The following PTER variants were observed in gnomAD, a reference collection of about 807,000 sequenced individuals.
PTER encodes N-acetyltaurine hydrolase.
In PTER, 38 loss-of-function variants were observed where a neutral mutation model predicts 29.6. That is an observed-to-expected ratio of 1.28 (90% CI 0.99 to 1.68). PTER has a LOEUF of 1.68. PTER is among the 40% of genes most tolerant of loss of function. The pLI is 0.00. For missense variants in PTER, 482 were observed against 427.8 expected (o/e 1.13, Z -1.12); for synonymous variants, 172 against 154.5 (o/e 1.11, Z -0.84).
chr10:16,438,995 A>G (rs1288258156), intron 1 of PTER, among the ~76,000 whole-genome samples: 1 of 151,824 alleles, frequency 6.6e-6, no homozygotes. Flanking sequence ...TATGAGGATA[A>G]GATCCTGATT....
At chr10:16,456,894 T>C (rs951229722) in intron 1 of PTER, among the ~76,000 whole-genome samples, 7 of 150,602 alleles carry the variant, frequency 4.6e-5, no homozygotes, top group African/African-American at 1.7e-4. Context: ...GTTCTCGTGG[T>C]AGTGAATAAG....
chr10:16,448,268 T>C (rs895704670), intron 1 of PTER, among the ~76,000 whole-genome samples: 3 of 152,194 alleles, frequency 2.0e-5, no homozygotes, highest in Non-Finnish European at 4.4e-5. Context: ...CACCATTGGA[T>C]CTGCTGGGTC....
rs145248136 is a variant in PTER, at chr10:16,486,817, CAGAT to C, written c.698+203_698+206del. On this transcript the variant is annotated intron_variant, in intron 3 of 4. Coordinates refer to ENST00000535784, the MANE Select transcript of PTER (RefSeq NM_001261836.2). Reference sequence around the variant, plus strand: ...CCATTTTTGTGTCCCTCCTCTGTGTCAGATAGTGTCCTAGGTATTTCACATAAGA... The same window carrying C: ...CCATTTTTGTGTCCCTCCTCTGTGTCAGTGTCCTAGGTATTTCACATAAGA... The C allele has an allele frequency of 2.4e-4, 141 of 595,186 alleles. No homozygotes were observed. In the African/African-American group the frequency reaches 2.5e-3, roughly 10 times the overall value. 36.9% of individuals were successfully genotyped at this position (595,186 alleles called of 1,614,324 possible).
chr10:16,459,668 T>A (rs536378161), intron 1 of PTER, among the ~76,000 whole-genome samples: 1 of 152,300 alleles, frequency 6.6e-6, no homozygotes, highest in African/African-American at 2.4e-5. Context: ...TAAATATAGT[T>A]GAGTTTTTGT....
chr10:16,490,763 A>G (rs956217883), intron 3 of PTER, among the ~76,000 whole-genome samples: 23 of 150,950 alleles, frequency 1.5e-4, no homozygotes, highest in African/African-American at 4.6e-4. Context: ...TTCTATCTCC[A>G]TCTATTTACA....
intron 1 of PTER, among the ~76,000 whole-genome samples, chr10:16,463,037 C>A (rs1002644310): frequency 2.6e-5 from 4 of 151,510 alleles, no homozygotes; most frequent in Non-Finnish European, 4.4e-5. Context: ...ACTAAAAATA[C>A]AAAAAATTAG....
chr10:16,437,323 C>T (rs1833685864), intron 1 of PTER: 1 of 145,770 alleles, frequency 6.9e-6, no homozygotes, highest in South Asian at 2.2e-4. Flanking sequence ...TGCTAAGCCT[C>T]CTTTAATAAG....
intron 1 of PTER, among the ~76,000 whole-genome samples, chr10:16,471,243 T>C (rs893358230): frequency 6.6e-6 from 1 of 152,212 alleles, no homozygotes; most frequent in African/African-American, 2.4e-5. Context: ...TTTGTGATAA[T>C]AAAGAATTTG....
At chr10:16,458,336 A>AAAATGC (rs1834488377) in intron 1 of PTER, among the ~76,000 whole-genome samples, 1 of 152,206 alleles carries the variant, frequency 6.6e-6, no homozygotes. Context: ...TAATACTATT[A>AAAATGC]AAATGCTCTT....
chr10:16,460,414 G>A (rs1834568231), intron 1 of PTER, among the ~76,000 whole-genome samples: 1 of 152,246 alleles, frequency 6.6e-6, no homozygotes, highest in Middle Eastern at 3.4e-3. Flanking sequence ...TTCCATTTTA[G>A]CATCTAAAAA....
intron 4 of PTER, 136 bp from the exon 5 acceptor site, chr10:16,510,910 C>G (rs1406922589): frequency 2.9e-6 from 2 of 679,788 alleles, no homozygotes; most frequent in African/African-American, 1.8e-5. Flanking sequence ...TATTAAAGGT[C>G]TCTCAGTACA....
At chr10:16,510,551 A>G (rs1163025646) in intron 4 of PTER, among the ~76,000 whole-genome samples, 1 of 152,186 alleles carries the variant, frequency 6.6e-6, no homozygotes, top group African/African-American at 2.4e-5. Flanking sequence ...TGCTCTCAGA[A>G]TATTTTACTT....
At position 16,505,113 on chromosome 10, in the gene PTER, A is replaced by C; in HGVS notation, c.792A>C (p.Gln264His). 6.2e-7 allele frequency: 1 copy of C among 1,613,832 alleles called. No individual in the cohort carries two copies. The highest frequency in any genetic ancestry group is 8.5e-7 in the Non-Finnish European group (1 of 1,179,902). ...DLFGTELLHY[Q>H]LGPDIDMPDD... is the part of the protein sequence containing the mutation. ...TTGGTACTGAACTACTTCATTACCA[A>C]CTCGGCCCAGATATTGACATGCCTG... The change falls in exon 4 of 5, where the codon CAA becomes CAC. Residue 264 changes from glutamine (Q) to histidine (H), a missense_variant. By Grantham distance (24) the Gln-to-His change is conservative. Coordinates refer to ENST00000535784, the MANE Select transcript of PTER (RefSeq NM_001261836.2).
At chr10:16,504,369 A>G (rs1836479066) in intron 3 of PTER, among the ~76,000 whole-genome samples, 2 of 152,182 alleles carry the variant, frequency 1.3e-5, no homozygotes, top group Non-Finnish European at 2.9e-5. Flanking sequence ...TATTGAAATG[A>G]GAAGATATCC....
intron 4 of PTER, among the ~76,000 whole-genome samples, chr10:16,508,331 G>A (rs1227010736): frequency 6.6e-6 from 1 of 152,076 alleles, no homozygotes; most frequent in Non-Finnish European, 1.5e-5. Flanking sequence ...GCCTCCTAAA[G>A]TGCTGGGATT....
intron 1 of PTER, among the ~76,000 whole-genome samples, chr10:16,457,572 G>A (rs1357401671): frequency 1.3e-5 from 2 of 151,560 alleles, no homozygotes; most frequent in Non-Finnish European, 2.9e-5. Context: ...TACTCTCACC[G>A]CTATGTAATG....
rs1157083641 is a variant in PTER at position 16,511,181 on chromosome 10, G to GC, written c.976dup (p.Leu326ProfsTer6). 1.2e-6 allele frequency: 2 copies of GC among 1,614,122 alleles called. No homozygotes were observed. The highest frequency in any genetic ancestry group is 1.7e-6 in the Non-Finnish European group (2 of 1,179,998). ...TCACCAATGTTGTTCCTAAAATGTT[G>GC]CTGAGAGGCATAACTGAGAATGTGC... On this transcript the variant is annotated frameshift_variant, in exon 5 of 5. Coordinates refer to ENST00000535784, the MANE Select transcript of PTER (RefSeq NM_001261836.2). LOFTEE classifies it high-confidence loss of function.
At chr10:16,460,540 T>G (rs1010886191) in intron 1 of PTER, among the ~76,000 whole-genome samples, 26 of 152,324 alleles carry the variant, frequency 1.7e-4, no homozygotes, top group African/African-American at 6.0e-4. Flanking sequence ...ATTATACATT[T>G]TAATACTTAA....
At chr10:16,448,630 C>A (rs1834098231) in intron 1 of PTER, among the ~76,000 whole-genome samples, 1 of 152,166 alleles carries the variant, frequency 6.6e-6, no homozygotes, top group South Asian at 2.1e-4. Flanking sequence ...AAATATCTCA[C>A]CAATAAGTCT....
Sources: gnomAD v4.1 joint callset for allele counts (sites outside exome capture counted in the v4.1 genomes callset) on GRCh38, gnomAD v4.1.1 for gene constraint, MANE v1.5 for transcripts, NCBI Gene and HGNC (gene_info 2026-07-23, HGNC 2026-07-21) for gene names.